Variants in SCN2A observed in about 807,000 individuals in gnomAD.
The protein encoded by SCN2A is sodium channel protein type 2 subunit alpha.
Under a neutral mutation model 188.7 loss-of-function variants are expected in SCN2A, and 20 were observed. The observed-to-expected ratio is 0.11, with a 90% CI of 0.07 to 0.15. The LOEUF is 0.15. SCN2A is among the 10% of genes least tolerant of loss of function. SCN2A has a pLI of 1.00. For missense variants in SCN2A, 1,278 were observed against 2,445.0 expected, an observed-to-expected ratio of 0.52 and a Z score of 10.07; for synonymous variants, 804 against 833.1, an observed-to-expected ratio of 0.97 and a Z score of 0.60.
intron 19 of SCN2A, 75 bp downstream of exon 19, chr2:165,367,446 C>T: frequency 1.4e-6 from 2 of 1,470,444 alleles, no homozygotes; most frequent in South Asian, 1.2e-5. Context: ...ACTCATATTA[C>T]CCACTTTTAA....
chr2:165,267,520 C>T (rs1183751685), intron 1 of SCN2A: 1 of 151,824 alleles, frequency 6.6e-6, no homozygotes, highest in Non-Finnish European at 1.5e-5. Flanking sequence ...ACTTACAGAA[C>T]ACCTAAAACT....
intron 7 of SCN2A, 136 bp from the exon 8 acceptor site, chr2:165,311,889 C>A: frequency 3.0e-6 from 2 of 663,168 alleles, no homozygotes; most frequent in Non-Finnish European, 5.5e-6. Flanking sequence ...TGAAAAATCT[C>A]TTTAGCCATA....
intron 12 of SCN2A, 33 bp from the exon 13 acceptor site, chr2:165,326,819 T>C: frequency 1.2e-6 from 2 of 1,613,230 alleles, no homozygotes; most frequent in Non-Finnish European, 1.7e-6. Context: ...CTTTCAAAAA[T>C]AGTGGTTATT....
chr2:165,382,471 C>T (rs1227739384), intron 25 of SCN2A, among the ~76,000 whole-genome samples: 1 of 152,156 alleles, frequency 6.6e-6, no homozygotes, highest in East Asian at 1.9e-4. Flanking sequence ...ACTGGAACTA[C>T]TCCAGGAGTG....
intron 18 of SCN2A, among the ~76,000 whole-genome samples, chr2:165,365,675 TA>T (rs1362460028): frequency 6.6e-5 from 10 of 152,162 alleles, no homozygotes; most frequent in African/African-American, 2.4e-4. Context: ...TATTATGTAC[TA>T]TTTTGTGATA....
intron 1 of SCN2A, among the ~76,000 whole-genome samples, chr2:165,275,862 G>A (rs563961057): frequency 2.0e-5 from 3 of 152,130 alleles, no homozygotes; most frequent in African/African-American, 7.2e-5. Context: ...AGCCTCCCAA[G>A]TAGCTGGGAT....
chr2:165,271,796 C>T (rs1297250831), intron 1 of SCN2A: 1 of 151,950 alleles, frequency 6.6e-6, no homozygotes, highest in East Asian at 1.9e-4. Context: ...AAAAACTTCA[C>T]ATAAGTAGAA....
chr2:165,285,142 TAACA>T (rs1344524585), intron 1 of SCN2A: 1 of 152,346 alleles, frequency 6.6e-6, no homozygotes, highest in East Asian at 1.9e-4. Context: ...TCTTAGGACA[TAACA>T]ATCATTTAAT....
rs1310973051 is a variant in SCN2A at position 165,389,496 on chromosome 2, C to T, written c.5690C>T (p.Thr1897Met). Residue 1897 changes from threonine (T) to methionine (M), a missense_variant, in exon 27 of 27, where the codon ACG becomes ATG. By Grantham distance (81) the Thr-to-Met change is moderately conservative. This residue lies in a region of SCN2A where 109 missense variants were observed against 137.9 expected (regional missense o/e 0.79). Transcript: ENST00000375437. This position sits in a 1 kb window ranked among gnomAD's most constrained non-coding sequence, Gnocchi z 4.2. ...TCCAAAGTCTCTTATGAGCCCATTA[C>T]GACCACGTTGAAACGCAAACAAGAG... ...NPSKVSYEPITTTLKRKQEEV... is the reference protein window; with the variant it reads ...NPSKVSYEPIMTTLKRKQEEV... 2 of 1,613,908 alleles carry T rather than the reference C, an allele frequency of 1.2e-6. No individual in the cohort carries two copies. Among genetic ancestry groups the T allele is most frequent in the Non-Finnish European group, 8.5e-7 (1 of 1,179,958 alleles).
In SCN2A at chr2:165,347,325, G is replaced by A. The variant is rs528246902; in HGVS notation, c.2919+2414G>A. On this transcript the variant is annotated intron_variant, in intron 16 of 26. Transcript: ENST00000375437. ...GATGAAGCTGGAAACCATTATTCTC[G>A]GCAAACTAACACAGGAACAGAAAAC... Among the ~76,000 whole-genome samples, 14 of 151,992 alleles carry A rather than the reference G, an allele frequency of 9.2e-5. No homozygotes were observed. The South Asian group carries it at 1.7e-3, about 18-fold the overall frequency.
At chr2:165,255,107 AT>A (rs1404300138) in intron 1 of SCN2A, among the ~76,000 whole-genome samples, 1 of 151,952 alleles carries the variant, frequency 6.6e-6, no homozygotes, top group Non-Finnish European at 1.5e-5. Context: ...CCAATTCAAA[AT>A]TTATTATTTT....
intron 1 of SCN2A, among the ~76,000 whole-genome samples, chr2:165,249,960 T>C (rs1173106704): frequency 6.6e-6 from 1 of 152,036 alleles, no homozygotes; most frequent in Non-Finnish European, 1.5e-5. Flanking sequence ...GAAATGTATA[T>C]AAACTTTTGT....
At chr2:165,275,210 G>C (rs1050326030) in intron 1 of SCN2A, among the ~76,000 whole-genome samples, 2 of 152,020 alleles carry the variant, frequency 1.3e-5, no homozygotes, top group Non-Finnish European at 2.9e-5. Context: ...ATTCCCCATG[G>C]AACCCATTCA....
chr2:165,377,623 T>C lies in SCN2A; in HGVS notation c.4281T>C (p.Ile1427=). The change falls in exon 23 of 27, where the codon ATT becomes ATC. Residue 1427 remains isoleucine (I), a synonymous_variant. Transcript: ENST00000375437. ...QVATFKGWMD[I]MYAAVDSRNV... Reference sequence around the variant, plus strand: ...CCACGTTTAAGGGATGGATGGATATTATGTATGCAGCTGTTGATTCACGAA... The same window carrying C: ...CCACGTTTAAGGGATGGATGGATATCATGTATGCAGCTGTTGATTCACGAA... The C allele has an allele frequency of 6.2e-7, 1 of 1,607,820 alleles. No individual in the cohort carries two copies. The highest frequency in any genetic ancestry group is 1.7e-4 in the Middle Eastern group (1 of 6,008).
rs1356879207 is a variant in SCN2A at position 165,319,653 on chromosome 2, T to C, written c.1672-3503T>C. Among the ~76,000 whole-genome samples, 9 of 152,096 alleles carry C rather than the reference T, an allele frequency of 5.9e-5. No individual in the cohort carries two copies. In the East Asian group the frequency reaches 1.7e-3, roughly 29 times the overall value. ...AAAGCAAAGAGGAGCAAGCCACACC[T>C]TACATGGATGGTGGCAAGCAAAGAG... On this transcript the variant is annotated intron_variant, in intron 11 of 26. Coordinates refer to ENST00000375437, the MANE Select transcript of SCN2A (RefSeq NM_001040142.2).
At chr2:165,351,963 T>C (rs1699943550) in intron 16 of SCN2A, among the ~76,000 whole-genome samples, 1 of 151,962 alleles carries the variant, frequency 6.6e-6, no homozygotes, top group African/African-American at 2.4e-5. Flanking sequence ...GAGCAGGCTA[T>C]ATAAATGTCA....
chr2:165,316,280 G>A (rs1272324205), intron 11 of SCN2A, among the ~76,000 whole-genome samples: 2 of 152,150 alleles, frequency 1.3e-5, no homozygotes, highest in Non-Finnish European at 2.9e-5. Context: ...CAGGTACTGA[G>A]GGAGATTTAT....
chr2:165,243,383 G>T (rs1226554922), intron 1 of SCN2A, among the ~76,000 whole-genome samples: 1 of 151,970 alleles, frequency 6.6e-6, no homozygotes, highest in African/African-American at 2.4e-5. Context: ...TGGGCGGATT[G>T]CCTGAGGTCT....
chr2:165,342,234 C>G, intron 14 of SCN2A, 62 bp from the exon 15 acceptor site: 1 of 1,481,720 alleles, frequency 6.7e-7, no homozygotes, highest in Non-Finnish European at 9.4e-7. Context: ...AATTAAGTTG[C>G]TCAATAATTA....
Sources: allele counts gnomAD v4.1 joint callset (sites outside exome capture counted in the v4.1 genomes callset), GRCh38; gene constraint gnomAD v4.1.1; regional missense constraint gnomAD v4.1.1; non-coding constraint Gnocchi (gnomAD v3.1); transcripts MANE v1.5; gene names NCBI Gene and HGNC (gene_info 2026-07-23, HGNC 2026-07-21).